Variants in AP3B1 observed in about 807,000 individuals in gnomAD.
AP3B1 encodes the protein adaptor related protein complex 3 subunit beta 1.
A neutral mutation model predicts 132.5 loss-of-function variants in AP3B1; 61 were observed. The observed-to-expected ratio is 0.46, with a 90% CI of 0.37 to 0.57. The LOEUF (loss-of-function observed/expected upper bound fraction) is 0.57, where lower values mean the gene tolerates loss of function less well. AP3B1 is among the 20% of genes least tolerant of loss of function. The pLI, the probability that AP3B1 is intolerant of heterozygous loss-of-function variation, is 0.00. For missense variants in AP3B1, 1,120 were observed against 1,289.4 expected, an observed-to-expected ratio of 0.87 and a Z score of 2.01; for synonymous variants, 388 against 438.3, an observed-to-expected ratio of 0.89 and a Z score of 1.43.
rs187104543 is a variant in AP3B1 at position 78,212,419 on chromosome 5, A to C, written c.786+3636T>G. On this transcript the variant is annotated intron_variant, in intron 7 of 26. Coordinates refer to ENST00000255194, the MANE Select transcript of AP3B1 (RefSeq NM_003664.5). The stretch of plus-strand genomic sequence containing the variant: ...TGGATTTAAATGAATTCGGTATTAC[A>C]GGCAGGTTTTTTTAATTATAAATTT... Among the ~76,000 whole-genome samples, 80 of 152,360 alleles carry C rather than the reference A, an allele frequency of 5.3e-4. 1 individual carries two copies. Among genetic ancestry groups the C allele is most frequent in the Non-Finnish European group, 8.8e-5 (6 of 68,034 alleles).
chr5:78,074,286 T>C (rs1749670620), intron 22 of AP3B1, among the ~76,000 whole-genome samples: 1 of 152,092 alleles, frequency 6.6e-6, no homozygotes, highest in South Asian at 2.1e-4. Flanking sequence ...ATGACATACC[T>C]TAAGGTTTAA....
At chr5:78,042,936 A>C (rs1338675454) in intron 22 of AP3B1, 1 of 188,686 alleles carries the variant, frequency 5.3e-6, no homozygotes, top group African/African-American at 2.4e-5. Context: ...GCTCTTGTAG[A>C]ATTCTCTATA....
intron 15 of AP3B1, among the ~76,000 whole-genome samples, chr5:78,139,426 C>T (rs1342101054): frequency 6.6e-6 from 1 of 152,108 alleles, no homozygotes; most frequent in African/African-American, 2.4e-5. Flanking sequence ...TTTCTTTACT[C>T]AGTTTTTAGA....
At chr5:78,153,374 C>T (rs1753750193) in intron 14 of AP3B1, among the ~76,000 whole-genome samples, 1 of 151,816 alleles carries the variant, frequency 6.6e-6, no homozygotes, top group Non-Finnish European at 1.5e-5. Context: ...GCAACACCTG[C>T]TCTTTTTTGG....
At chr5:78,053,721 A>C (rs1748689465) in intron 22 of AP3B1, among the ~76,000 whole-genome samples, 1 of 149,992 alleles carries the variant, frequency 6.7e-6, no homozygotes, top group Non-Finnish European at 1.5e-5. Context: ...AGTCCCCCTC[A>C]GGTAACCATA....
chr5:78,253,705 G>A (rs940445865), intron 2 of AP3B1, among the ~76,000 whole-genome samples: 1 of 152,104 alleles, frequency 6.6e-6, no homozygotes, highest in Non-Finnish European at 1.5e-5. Context: ...GGTGGCTCAC[G>A]CCTGTAATCC....
At chr5:78,272,935 C>A (rs1021248795) in intron 1 of AP3B1, among the ~76,000 whole-genome samples, 1 of 147,958 alleles carries the variant, frequency 6.8e-6, no homozygotes, top group Non-Finnish European at 1.5e-5. Context: ...ACTGTAGGGA[C>A]TTCCATATCT....
intron 22 of AP3B1, among the ~76,000 whole-genome samples, chr5:78,057,623 G>A (rs554005016): frequency 6.6e-6 from 1 of 152,112 alleles, no homozygotes; most frequent in South Asian, 2.1e-4. Flanking sequence ...CTAAATTTTA[G>A]TGCTCCCCTT....
chr5:78,133,113 T>G (rs1408782336), intron 15 of AP3B1, among the ~76,000 whole-genome samples: 2 of 152,172 alleles, frequency 1.3e-5, no homozygotes, highest in Admixed American at 1.3e-4. Flanking sequence ...AGCCTGGAGC[T>G]TCATGCATCT....
intron 2 of AP3B1, among the ~76,000 whole-genome samples, chr5:78,244,643 T>C (rs1747294673): frequency 6.6e-6 from 1 of 152,076 alleles, no homozygotes; most frequent in African/African-American, 2.4e-5. Context: ...ATGAGATCAC[T>C]ACAGGAGGGC....
chr5:78,293,320 G>A (rs1749615756), intron 1 of AP3B1, among the ~76,000 whole-genome samples: 1 of 152,136 alleles, frequency 6.6e-6, no homozygotes, highest in Non-Finnish European at 1.5e-5. Context: ...AACAAGCTCC[G>A]TACTTGTTCT....
intron 15 of AP3B1, among the ~76,000 whole-genome samples, chr5:78,138,604 G>A (rs1753010585): frequency 6.6e-6 from 1 of 152,002 alleles, no homozygotes; most frequent in Non-Finnish European, 1.5e-5. Flanking sequence ...AAAACAATGA[G>A]CTACATAAAA....
intron 8 of AP3B1, among the ~76,000 whole-genome samples, chr5:78,180,149 T>C (rs1426072460): frequency 6.6e-6 from 1 of 152,108 alleles, no homozygotes; most frequent in Non-Finnish European, 1.5e-5. Flanking sequence ...CATGAAATAA[T>C]ATTTTCATTA....
intron 14 of AP3B1, among the ~76,000 whole-genome samples, chr5:78,145,324 C>G (rs1318586925): frequency 6.6e-6 from 1 of 152,164 alleles, no homozygotes; most frequent in African/African-American, 2.4e-5. Flanking sequence ...CGTATTTTCT[C>G]AGTCATTCAT....
chr5:78,081,822 G>A (rs1750021369), intron 22 of AP3B1, among the ~76,000 whole-genome samples: 1 of 151,870 alleles, frequency 6.6e-6, no homozygotes, highest in South Asian at 2.1e-4. Context: ...TTTAAGTTCT[G>A]AGGAACAGAA....
At chr5:78,240,191 C>T (rs1747065274) in intron 3 of AP3B1, among the ~76,000 whole-genome samples, 1 of 152,110 alleles carries the variant, frequency 6.6e-6, no homozygotes, top group Admixed American at 6.5e-5. Flanking sequence ...AAATGGCAAA[C>T]AAATAGTAGC....
Position 78,129,214 on chromosome 5 carries a change from C to T in AP3B1, c.1744G>A (p.Val582Ile), listed in dbSNP as rs199766336. Residue 582 changes from valine to isoleucine, a missense_variant, in exon 16 of 27, where the codon GTT becomes ATT. Transcript: ENST00000255194. ...AAAGCTCCACTCTTTACATTCGGAA[C>T]AATAAGCTGCCTAATAAATCTTGTA... Reference protein sequence around the residue: ...DRTRFIRQLIVPNVKSGALSK... With the variant: ...DRTRFIRQLIIPNVKSGALSK... 1.2e-6 allele frequency: 2 copies of T among 1,612,986 alleles called. No homozygotes were observed. Among genetic ancestry groups the T allele is most frequent in the East Asian group, 4.5e-5 (2 of 44,832 alleles).
In AP3B1 at chr5:78,002,644, G is replaced by A; in HGVS notation, c.*258C>T. The A allele has an allele frequency of 1.7e-6, 1 of 601,368 alleles. No individual in the cohort carries two copies. The highest frequency in any genetic ancestry group is 3.0e-6 in the Non-Finnish European group (1 of 338,946). The allele number at this position is 601,368 out of a possible 1,614,324, so 37.3% of individuals were successfully genotyped here. ...AGGCCAAAAGAAGCAGCAGGACAGA[G>A]AAAACGCCACATGGATTCAAGAGTT... On this transcript the variant is annotated 3_prime_UTR_variant, in exon 27 of 27. Transcript: ENST00000255194.
intron 11 of AP3B1, among the ~76,000 whole-genome samples, chr5:78,171,117 T>G (rs1243022540): frequency 6.6e-6 from 1 of 152,214 alleles, no homozygotes; most frequent in East Asian, 1.9e-4. Context: ...ACCAGTACCA[T>G]GCTGTTTTGG....
Sources: gnomAD v4.1 joint callset for allele counts (sites outside exome capture counted in the v4.1 genomes callset) on GRCh38, gnomAD v4.1.1 for gene constraint, MANE v1.5 for transcripts, NCBI Gene and HGNC (gene_info 2026-07-23, HGNC 2026-07-21) for gene names.